Variants in LHCGR observed in about 807,000 individuals in gnomAD.
LHCGR encodes the protein luteinizing hormone/choriogonadotropin receptor.
A neutral mutation model predicts 60.7 loss-of-function variants in LHCGR; 55 were observed. The observed-to-expected ratio is 0.91, with a 90% CI of 0.73 to 1.13. LHCGR has a LOEUF of 1.13. Ranked by LOEUF, LHCGR falls within the 50% of genes most tolerant of loss-of-function variation. LHCGR has a pLI of 0.00. For missense variants in LHCGR, 862 were observed against 836.0 expected (o/e 1.03, Z -0.38); for synonymous variants, 337 against 316.5 (o/e 1.06, Z -0.69).
intron 1 of LHCGR, among the ~76,000 whole-genome samples, chr2:48,740,246 G>T (rs1026228014): frequency 1.2e-4 from 18 of 152,344 alleles, no homozygotes; most frequent in Admixed American, 2.6e-4. Context: ...AAACTGCAAG[G>T]TGGCAGCGAG....
chr2:48,750,942 G>T (rs941719517), intron 1 of LHCGR, among the ~76,000 whole-genome samples: 2 of 152,220 alleles, frequency 1.3e-5, no homozygotes, highest in East Asian at 1.9e-4. Context: ...CCATAACAAA[G>T]AATTATCTGG....
At chr2:48,737,710 C>T (rs936895024) in intron 1 of LHCGR, among the ~76,000 whole-genome samples, 4 of 152,176 alleles carry the variant, frequency 2.6e-5, no homozygotes, top group Non-Finnish European at 5.9e-5. Context: ...TATAGATGAA[C>T]ATCCAATATG....
At chr2:48,722,735 G>C (rs1429646002) in intron 6 of LHCGR, among the ~76,000 whole-genome samples, 1 of 152,130 alleles carries the variant, frequency 6.6e-6, no homozygotes, top group African/African-American at 2.4e-5. Flanking sequence ...AGAATTGTGA[G>C]CCAATTAAAA....
chr2:48,741,453 T>TA (rs202179676), intron 1 of LHCGR, among the ~76,000 whole-genome samples: 60,743 of 151,626 alleles, frequency 0.4, 12,941 homozygotes, highest in Middle Eastern at 0.49. Flanking sequence ...AAGGTCAGGT[T>TA]ACCCTCAAAG....
chr2:48,708,033 C>A (rs1276051859), intron 8 of LHCGR, among the ~76,000 whole-genome samples: 1 of 152,194 alleles, frequency 6.6e-6, no homozygotes, highest in Non-Finnish European at 1.5e-5. Flanking sequence ...TGGGCTGTAC[C>A]CACTGTCCAG....
At chr2:48,703,215 C>G (rs959457126) in intron 8 of LHCGR, among the ~76,000 whole-genome samples, 2 of 152,304 alleles carry the variant, frequency 1.3e-5, no homozygotes, top group South Asian at 4.1e-4. Context: ...TTCTCCCATT[C>G]TCTAGGTTGC....
Position 48,714,005 on chromosome 2 carries a change from C to G in LHCGR, c.586G>C (p.Gly196Arg). 6.2e-7 allele frequency: 1 copy of G among 1,611,920 alleles called. No individual in the cohort carries two copies. The highest frequency in any genetic ancestry group is 1.7e-4 in the Middle Eastern group (1 of 6,060). The change falls in exon 7 of 11, where the codon GGG becomes CGG. Residue 196 changes from glycine (G) to arginine (R), a missense_variant. Gly to Arg is a moderately radical substitution (Grantham distance 125, BLOSUM62 -2). Transcript: ENST00000294954. ...ACTTACAGTGAAGTCAGTGTCGTCCCATTGAATGCATGACTTTGTACTTCT... is the reference window on the plus strand; with the variant it reads ...ACTTACAGTGAAGTCAGTGTCGTCCGATTGAATGCATGACTTTGTACTTCT... ...FEEVQSHAFN[G>R]TTLTSLELKE...
In LHCGR at chr2:48,689,088, C is replaced by CAT. The variant is rs543932301; in HGVS notation, c.948-241_948-240dup. On this transcript the variant is annotated intron_variant, in intron 10 of 10. Transcript: ENST00000294954. ...ACATATATACACACATATATACACA[C>CAT]ATATATATACATATATACACATATA... Among the ~76,000 whole-genome samples, 117 of 151,402 alleles carry CAT rather than the reference C, an allele frequency of 7.7e-4. 2 individuals carry two copies. In the East Asian group the frequency reaches 0.02, roughly 26 times the overall value.
chr2:48,754,819 A>G (rs1179945059), intron 1 of LHCGR, among the ~76,000 whole-genome samples: 3 of 152,126 alleles, frequency 2.0e-5, no homozygotes, highest in African/African-American at 7.2e-5. Context: ...TCTTTACCCC[A>G]TTACTCCAGA....
intron 8 of LHCGR, among the ~76,000 whole-genome samples, chr2:48,707,769 G>A (rs958589319): frequency 3.3e-5 from 5 of 152,232 alleles, no homozygotes; most frequent in African/African-American, 9.6e-5. Flanking sequence ...TCTACTAGCA[G>A]CAAGAACTTC....
chr2:48,710,303 C>A (rs552733527), intron 7 of LHCGR, among the ~76,000 whole-genome samples: 9 of 152,156 alleles, frequency 5.9e-5, no homozygotes, highest in Non-Finnish European at 1.3e-4. Context: ...ATTTTTCTTC[C>A]TAAACCTCCA....
rs942370497 is a variant in LHCGR at position 48,687,502 on chromosome 2, T to C, written c.*195A>G. 9.4e-6 allele frequency: 5 copies of C among 533,376 alleles called. No individual in the cohort carries two copies. Among genetic ancestry groups the C allele is most frequent in the Non-Finnish European group, 1.7e-5 (5 of 302,410 alleles). 33.0% of individuals were successfully genotyped at this position (533,376 alleles called of 1,614,324 possible). A position where few individuals can be genotyped will look rare whatever the true frequency, so the allele number is the denominator to read the frequency against. Reference sequence around the variant, plus strand: ...ACTCTCAACTTCAGTATTTATGCCATGTAACAATGACAAATAGTTTTTAGT... The same window carrying C: ...ACTCTCAACTTCAGTATTTATGCCACGTAACAATGACAAATAGTTTTTAGT... On this transcript the variant is annotated 3_prime_UTR_variant, in exon 11 of 11. Transcript: ENST00000294954.
chr2:48,725,505 C>T (rs757632681), intron 4 of LHCGR, among the ~76,000 whole-genome samples, 171 bp downstream of exon 4: 5 of 152,154 alleles, frequency 3.3e-5, no homozygotes, highest in Non-Finnish European at 5.9e-5. Context: ...GCACCCAGCT[C>T]GGTGGCTGAC....
At position 48,713,972 on chromosome 2, in the gene LHCGR, A is replaced by G. The variant is rs1251476284; in HGVS notation, c.605+14T>C. ...ATTTTTATTCCTGAGCTGGGGAAAT[A>G]AGCAAATACTTACAGTGAAGTCAGT... On this transcript the variant is annotated intron_variant, in intron 7 of 10. Transcript: ENST00000294954. The G allele has an allele frequency of 1.3e-6, 2 of 1,574,868 alleles. No individual in the cohort carries two copies. The highest frequency in any genetic ancestry group is 1.3e-5 in the African/African-American group (1 of 74,140).
intron 1 of LHCGR, among the ~76,000 whole-genome samples, chr2:48,753,709 T>C (rs924127344): frequency 3.3e-5 from 5 of 152,190 alleles, no homozygotes; most frequent in Non-Finnish European, 7.3e-5. Context: ...TGAGAGATCT[T>C]ACTGAAAAGC....
At chr2:48,737,661 G>A (rs945575723) in intron 1 of LHCGR, among the ~76,000 whole-genome samples, 6 of 152,192 alleles carry the variant, frequency 3.9e-5, no homozygotes, top group Admixed American at 1.3e-4. Context: ...TTACCTAGAG[G>A]GAGCTGAGGC....
chr2:48,730,142 A>G (rs1668925451), intron 2 of LHCGR, among the ~76,000 whole-genome samples: 1 of 152,196 alleles, frequency 6.6e-6, no homozygotes, highest in Non-Finnish European at 1.5e-5. Flanking sequence ...GACTGATGAG[A>G]GCATTAGCCC....
At chr2:48,740,352 G>A (rs1449096435) in intron 1 of LHCGR, among the ~76,000 whole-genome samples, 2 of 152,248 alleles carry the variant, frequency 1.3e-5, no homozygotes, top group Non-Finnish European at 2.9e-5. Context: ...AGCTCAAGAA[G>A]GCCTGCCTGC....
intron 6 of LHCGR, among the ~76,000 whole-genome samples, chr2:48,715,127 C>T (rs1260906764): frequency 3.9e-5 from 6 of 152,102 alleles, no homozygotes; most frequent in Non-Finnish European, 5.9e-5. Context: ...TTTCCTGTTT[C>T]CCCCTACTTT....
Sources: allele counts gnomAD v4.1 joint callset (sites outside exome capture counted in the v4.1 genomes callset), GRCh38; gene constraint gnomAD v4.1.1; transcripts MANE v1.5; gene names NCBI Gene and HGNC (gene_info 2026-07-23, HGNC 2026-07-21).